The following MOV10L1 variants were observed in gnomAD, a reference collection of about 807,000 sequenced individuals.
MOV10L1 encodes Mov10 like RNA helicase 1.
MOV10L1 carries 110 observed loss-of-function variants against 143.8 expected under a neutral mutation model. The observed-to-expected ratio is 0.76, with a 90% CI of 0.66 to 0.90. The LOEUF is 0.90. Ranked by LOEUF, MOV10L1 falls within the 40% of genes least tolerant of loss-of-function variation. The pLI is 0.00. For synonymous variants in MOV10L1, 593 were observed against 581.1 expected, an observed-to-expected ratio of 1.02 and a Z score of -0.29; for missense variants, 1,406 against 1,526.8, an observed-to-expected ratio of 0.92 and a Z score of 1.32.
chr22:50,147,095 C>CT, intron 19 of MOV10L1: 1 of 1,568,896 alleles, frequency 6.4e-7, no homozygotes, highest in Non-Finnish European at 8.6e-7. Context: ...GCAGAGGGCT[C>CT]TTTGGGGGCA....
At chr22:50,097,182 A>T (rs557662095) in intron 2 of MOV10L1, among the ~76,000 whole-genome samples, 24 of 152,330 alleles carry the variant, frequency 1.6e-4, no homozygotes, top group African/African-American at 5.8e-4. Flanking sequence ...GCACAGTCAC[A>T]GCTCACTGCA....
intron 21 of MOV10L1, among the ~76,000 whole-genome samples, chr22:50,151,654 C>T (rs762501061): frequency 2.0e-5 from 3 of 152,224 alleles, no homozygotes; most frequent in African/African-American, 4.8e-5. Context: ...GCCCAGAGGG[C>T]GCCTGAGAGC....
At chr22:50,104,482 G>A (rs1298471202) in intron 3 of MOV10L1, among the ~76,000 whole-genome samples, 3 of 152,164 alleles carry the variant, frequency 2.0e-5, no homozygotes, top group South Asian at 2.1e-4. Context: ...CCTCACAGCC[G>A]GAGCTACAGC....
chr22:50,108,644 T>C lies in MOV10L1; in HGVS notation c.556-13T>C, dbSNP rs755516816. 3 of 1,613,718 alleles carry C rather than the reference T, an allele frequency of 1.9e-6. No individual in the cohort carries two copies. The highest frequency in any genetic ancestry group is 2.2e-5 in the South Asian group (2 of 91,044). ...GCATCTGCTTCCTGTGACGCTCAGC[T>C]CTCTGCTCCCAGGTCTGCATCTCTA... On this transcript the variant is annotated splice_polypyrimidine_tract_variant and intron_variant, in intron 4 of 26. Coordinates refer to ENST00000262794, the MANE Select transcript of MOV10L1 (RefSeq NM_018995.3).
Position 50,128,425 on chromosome 22 carries a change from G to A in MOV10L1, c.1828G>A (p.Glu610Lys). 2 of 1,497,204 alleles carry A rather than the reference G, an allele frequency of 1.3e-6. No homozygotes were observed. Among genetic ancestry groups the A allele is most frequent in the Non-Finnish European group, 1.8e-6 (2 of 1,085,792 alleles). The allele number at this position is 1,497,204 out of a possible 1,614,324, so 92.7% of individuals were successfully genotyped here. A position where few individuals can be genotyped will look rare whatever the true frequency, so the allele number is the denominator to read the frequency against. Residue 610 changes from glutamate to lysine, a missense_variant, in exon 13 of 27, where the codon GAA becomes AAA. By Grantham distance (56) the Glu-to-Lys change is moderately conservative. This residue lies in a region of MOV10L1 where 1,233 missense variants were observed against 1,351.4 expected (regional missense o/e 0.91). Coordinates refer to ENST00000262794, the MANE Select transcript of MOV10L1 (RefSeq NM_018995.3). ...YISYVTEIHE[E>K]DVTLKINPEF... ...TTTGTTCCTTTTTTAGATTCATGAAGAAGATGTAACTCTTAAAATTAATCC... is the reference window on the plus strand; with the variant it reads ...TTTGTTCCTTTTTTAGATTCATGAAAAAGATGTAACTCTTAAAATTAATCC...
chr22:50,134,293 C>T (rs930362037), intron 14 of MOV10L1, among the ~76,000 whole-genome samples: 3 of 151,538 alleles, frequency 2.0e-5, no homozygotes, highest in Non-Finnish European at 4.4e-5. Flanking sequence ...TTATCTTGCT[C>T]GCTTTTCCCT....
chr22:50,144,219 G>A lies in MOV10L1; in HGVS notation c.2481G>A (p.Val827=), dbSNP rs2063071548. 3 of 1,608,544 alleles carry A rather than the reference G, an allele frequency of 1.9e-6. No homozygotes were observed. The highest frequency in any genetic ancestry group is 2.6e-6 in the Non-Finnish European group (3 of 1,175,764). The change falls in exon 18 of 27, where the codon GTG becomes GTA. Residue 827 remains valine (V), a synonymous_variant. Transcript: ENST00000262794. ...KVLQPATMVR[V]NATCRFEEIV... is the part of the protein sequence containing the mutation. ...TACAGCCGGCCACCATGGTCCGGGT[G>A]AACGCCACCTGCAGGTTCGAGGAGG...
In MOV10L1 at chr22:50,143,041, A is replaced by G. The variant is rs2063035922; in HGVS notation, c.2180-2A>G. On this transcript the variant is annotated splice_acceptor_variant, in intron 16 of 26. Transcript: ENST00000262794. LOFTEE classifies it high-confidence loss of function. The stretch of plus-strand genomic sequence containing the variant: ...CTGAAACTTTCTTCACTTTGAATAC[A>G]GTAGATGAAATTCAGACCCCTAAAG... 2 of 1,613,704 alleles carry G rather than the reference A, an allele frequency of 1.2e-6. No individual in the cohort carries two copies. The highest frequency in any genetic ancestry group is 2.2e-5 in the South Asian group (2 of 91,072).
At chr22:50,106,296 A>G (rs1449026787) in intron 3 of MOV10L1, among the ~76,000 whole-genome samples, 1 of 147,574 alleles carries the variant, frequency 6.8e-6, no homozygotes, top group Non-Finnish European at 1.5e-5. Flanking sequence ...CTGGGACTTC[A>G]GGCTCATGCC....
At position 50,099,558 on chromosome 22, in the gene MOV10L1, G is replaced by T; in HGVS notation, c.398G>T (p.Cys133Phe). 3 of 1,614,192 alleles carry T rather than the reference G, an allele frequency of 1.9e-6. No individual in the cohort carries two copies. Among genetic ancestry groups the T allele is most frequent in the Non-Finnish European group, 2.5e-6 (3 of 1,179,990 alleles). ...CVTSLVEGAG[C>F]ISQTTYFSLE... ...ACTTCCCTGGTGGAGGGCGCAGGCT[G>T]TATCAGTCAGACCACCTACTTCTCT... The change falls in exon 3 of 27, where the codon TGT becomes TTT. Residue 133 changes from cysteine to phenylalanine, a missense_variant. Physicochemically the swap from Cys to Phe is radical, Grantham distance 205 (BLOSUM62 -2). Around this residue, in one of 3 missense-constraint regions of MOV10L1, gnomAD observed 7 missense variants for 21.4 expected, o/e 0.33. Transcript: ENST00000262794.
intron 7 of MOV10L1, 55 bp from the exon 8 acceptor site, chr22:50,115,059 T>G: frequency 6.6e-7 from 1 of 1,517,698 alleles, no homozygotes; most frequent in Non-Finnish European, 8.9e-7. Context: ...ATGCCAGCAC[T>G]GTTAGAGATA....
chr22:50,141,585 C>T (rs535313252), intron 15 of MOV10L1, among the ~76,000 whole-genome samples: 1 of 151,992 alleles, frequency 6.6e-6, no homozygotes, highest in Admixed American at 6.6e-5. Flanking sequence ...AGTGATCCAC[C>T]TGTCTTGGCC....
At chr22:50,148,665 T>C (rs1367393354) in intron 19 of MOV10L1, among the ~76,000 whole-genome samples, 1 of 91,996 alleles carries the variant, frequency 1.1e-5, no homozygotes, top group East Asian at 4.1e-4. Context: ...CTTTTTTTCT[T>C]TTTTTTTTTT....
chr22:50,130,111 A>G (rs1281688328), intron 13 of MOV10L1, among the ~76,000 whole-genome samples: 1 of 152,120 alleles, frequency 6.6e-6, no homozygotes, highest in Non-Finnish European at 1.5e-5. Context: ...CACTGTCTCT[A>G]CTAAAAATAC....
intron 18 of MOV10L1, 38 bp downstream of exon 18, chr22:50,144,281 C>G (rs374098740): frequency 6.4e-7 from 1 of 1,567,988 alleles, no homozygotes; most frequent in Non-Finnish European, 8.7e-7. Context: ...GCACCAGAAC[C>G]CCTCCCTGGA....
chr22:50,151,309 G>A (rs2063292286), intron 21 of MOV10L1, among the ~76,000 whole-genome samples: 1 of 152,188 alleles, frequency 6.6e-6, no homozygotes, highest in South Asian at 2.1e-4. Flanking sequence ...CATCTTTGGA[G>A]CCCCCAGCAC....
chr22:50,138,740 T>G (rs2062900536), intron 15 of MOV10L1, among the ~76,000 whole-genome samples: 1 of 152,216 alleles, frequency 6.6e-6, no homozygotes, highest in Non-Finnish European at 1.5e-5. Context: ...AGTCTCGCTC[T>G]GTTGCCCAGG....
At chr22:50,118,419 T>C (rs1455100401) in intron 9 of MOV10L1, among the ~76,000 whole-genome samples, 3 of 152,236 alleles carry the variant, frequency 2.0e-5, no homozygotes, top group Admixed American at 6.5e-5. Context: ...TAAGCAGTCA[T>C]GATCCCTGGG....
chr22:50,133,444 G>T (rs1240685024), intron 13 of MOV10L1, among the ~76,000 whole-genome samples: 1 of 143,388 alleles, frequency 7.0e-6, no homozygotes, highest in Non-Finnish European at 1.5e-5. Context: ...AGGCAACAGA[G>T]CAGAGTCTCT....
Sources: allele counts gnomAD v4.1 joint callset (sites outside exome capture counted in the v4.1 genomes callset), GRCh38; gene constraint gnomAD v4.1.1; regional missense constraint gnomAD v4.1.1; transcripts MANE v1.5; gene names NCBI Gene and HGNC (gene_info 2026-07-23, HGNC 2026-07-21).